COL20A1: variants seen among roughly 807,000 people sequenced by gnomAD.
COL20A1 encodes the protein collagen type XX alpha 1 chain.
A neutral mutation model predicts 152.9 loss-of-function variants in COL20A1; 164 were observed. That is an observed-to-expected ratio of 1.07 (90% CI 0.94 to 1.22). The LOEUF (loss-of-function observed/expected upper bound fraction) is 1.22. COL20A1 is among the 50% of genes most tolerant of loss of function. COL20A1 has a pLI of 0.00. For synonymous variants in COL20A1, 864 were observed against 756.0 expected, an observed-to-expected ratio of 1.14 and a Z score of -2.34; for missense variants, 1,873 against 1,744.8, an observed-to-expected ratio of 1.07 and a Z score of -1.31.
At chr20:63,327,490 G>A (rs2068269199) in intron 31 of COL20A1, 1 of 204,486 alleles carries the variant, frequency 4.9e-6, no homozygotes, top group Middle Eastern at 1.9e-3. Context: ...AGTGTCCCCT[G>A]GGGGATGCCT....
intron 21 of COL20A1, among the ~76,000 whole-genome samples, chr20:63,317,533 A>G (rs917302030): frequency 2.0e-5 from 3 of 151,830 alleles, no homozygotes; most frequent in Non-Finnish European, 2.9e-5. Flanking sequence ...TTTTAAAATT[A>G]TAGAAATATA....
chr20:63,318,620 G>C (rs1568782067), intron 21 of COL20A1, among the ~76,000 whole-genome samples: 1 of 152,126 alleles, frequency 6.6e-6, no homozygotes, highest in Non-Finnish European at 1.5e-5. Context: ...GGTGTCCTGG[G>C]CCGGCACCCC....
intron 25 of COL20A1, 86 bp downstream of exon 25, chr20:63,320,454 T>C (rs1394837829): frequency 7.8e-7 from 1 of 1,279,730 alleles, no homozygotes; most frequent in Non-Finnish European, 1.1e-6. Context: ...TCAGTTGGCC[T>C]GTCCAGATTG....
In COL20A1 at chr20:63,314,015, G is replaced by A. The variant is rs534890872; in HGVS notation, c.2359-57G>A. The A allele has an allele frequency of 4.8e-4, 771 of 1,609,958 alleles. 1 individual carries two copies. Among genetic ancestry groups the A allele is most frequent in the African/African-American group, 4.1e-3 (305 of 75,000 alleles). ...GGACGCAGAGGGAGGCAGCTGAGCCGCGTGGACGAGCAAAGTTGCCCAGGA... is the reference window on the plus strand; with the variant it reads ...GGACGCAGAGGGAGGCAGCTGAGCCACGTGGACGAGCAAAGTTGCCCAGGA... On this transcript the variant is annotated intron_variant, in intron 18 of 35. Coordinates refer to ENST00000358894, the MANE Select transcript of COL20A1 (RefSeq NM_020882.4).
At position 63,307,488 on chromosome 20, in the gene COL20A1, A is replaced by G. The variant is rs1328393994; in HGVS notation, c.497-2A>G. On this transcript the variant is annotated splice_acceptor_variant, in intron 5 of 35. Coordinates refer to ENST00000358894, the MANE Select transcript of COL20A1 (RefSeq NM_020882.4). LOFTEE classifies it high-confidence loss of function. ...GCACCTGACCCGCTCCCACCGCCCC[A>G]GCCGGCCCCCAGTTCCGCTGCCTGC... 2.5e-6 allele frequency: 4 copies of G among 1,610,292 alleles called. No individual in the cohort carries two copies. The highest frequency in any genetic ancestry group is 3.4e-6 in the Non-Finnish European group (4 of 1,178,954).
chr20:63,297,385 CCAGCCCAGGGGACT>C (rs1321906636), intron 2 of COL20A1, among the ~76,000 whole-genome samples: 10 of 151,228 alleles, frequency 6.6e-5, no homozygotes, highest in African/African-American at 1.2e-4. Context: ...CTCAGGGGAC[CCAGCCCAGGGGACT>C]CAGCCCAGGG....
intron 34 of COL20A1, among the ~76,000 whole-genome samples, chr20:63,328,868 C>T (rs1325196701): frequency 3.4e-5 from 5 of 145,376 alleles, no homozygotes; most frequent in Non-Finnish European, 7.6e-5. Context: ...CTCTTATCCT[C>T]CTGGCTGCTG....
intron 27 of COL20A1, among the ~76,000 whole-genome samples, chr20:63,323,429 C>G (rs570889185): frequency 1.9e-4 from 29 of 152,322 alleles, no homozygotes; most frequent in Non-Finnish European, 1.0e-4. Context: ...CTTTCTTATT[C>G]CGAGAGTAGA....
At chr20:63,307,029 G>A (rs534211431) in intron 5 of COL20A1, among the ~76,000 whole-genome samples, 7 of 152,328 alleles carry the variant, frequency 4.6e-5, no homozygotes, top group South Asian at 4.1e-4. Context: ...GCATCTCCCC[G>A]GGGGTCTGGC....
chr20:63,302,926 A>G (rs2067878177), intron 3 of COL20A1, among the ~76,000 whole-genome samples: 1 of 152,204 alleles, frequency 6.6e-6, no homozygotes, highest in Admixed American at 6.5e-5. Flanking sequence ...TATATTTGTT[A>G]ACAAGAATTC....
chr20:63,319,293 T>C lies in COL20A1; in HGVS notation c.2806+93T>C, dbSNP rs943890177. 4.4e-6 allele frequency: 6 copies of C among 1,378,980 alleles called. No homozygotes were observed. The highest frequency in any genetic ancestry group is 5.9e-6 in the Non-Finnish European group (6 of 1,012,660). 85.4% of individuals were successfully genotyped at this position (1,378,980 alleles called of 1,614,324 possible). On this transcript the variant is annotated intron_variant, in intron 22 of 35. Transcript: ENST00000358894. This position sits in a 1 kb window ranked among gnomAD's most constrained non-coding sequence, Gnocchi z 4.4. ...GGAGGCCTTCAGAGGAAGTCCAGCC[T>C]CCAGGCCAGGCCCTCAGCACCCTCT...
rs1036528739 is a variant in COL20A1, at chr20:63,318,128, G to C, written c.2664-930G>C. Among the ~76,000 whole-genome samples the C allele has an allele frequency of 8.5e-5, 13 of 152,182 alleles. 1 individual carries two copies. The highest frequency in any genetic ancestry group is 1.3e-4 in the Admixed American group (2 of 15,282). ...GCATGAGCAGGCACTTCCCATGCCTGTTTGCCCTTCCAGAGCTCACAGCCT... is the reference window on the plus strand; with the variant it reads ...GCATGAGCAGGCACTTCCCATGCCTCTTTGCCCTTCCAGAGCTCACAGCCT... On this transcript the variant is annotated intron_variant, in intron 21 of 35. Transcript: ENST00000358894.
chr20:63,310,255 C>A, intron 10 of COL20A1, 126 bp from the exon 11 acceptor site: 3 of 1,017,116 alleles, frequency 2.9e-6, no homozygotes, highest in Non-Finnish European at 4.4e-6. Flanking sequence ...GGAGCCCAGG[C>A]CTGTGGGAAG....
chr20:63,309,394 C>G lies in COL20A1; in HGVS notation c.1002C>G (p.Thr334=). The G allele has an allele frequency of 6.4e-7, 1 of 1,554,668 alleles. No individual in the cohort carries two copies. The highest frequency in any genetic ancestry group is 1.4e-5 in the African/African-American group (1 of 73,440). ...RLLASPPRDI[T]VHSVLDFLQL... ...TGGCGTCCCCGCCGAGGGACATCAC[C>G]GTCCACAGCGTGCTGGACTTCCTGC... The change falls in exon 9 of 36, where the codon ACC becomes ACG. Residue 334 remains threonine (T), a synonymous_variant. Coordinates refer to ENST00000358894, the MANE Select transcript of COL20A1 (RefSeq NM_020882.4).
At chr20:63,295,654 A>G (rs574027188) in intron 2 of COL20A1, among the ~76,000 whole-genome samples, 25 of 152,176 alleles carry the variant, frequency 1.6e-4, no homozygotes, top group African/African-American at 6.0e-4. Flanking sequence ...ACGTCCTCAG[A>G]AGGCCCCTCC....
chr20:63,314,544 T>C (rs1164816915), intron 19 of COL20A1, among the ~76,000 whole-genome samples: 1 of 152,140 alleles, frequency 6.6e-6, no homozygotes, highest in Non-Finnish European at 1.5e-5. Context: ...ACCTTCCAGC[T>C]TCCCTCTGGG....
At position 63,313,422 on chromosome 20, in the gene COL20A1, G is replaced by A. The variant is rs958440272; in HGVS notation, c.2209+173G>A. Among the ~76,000 whole-genome samples the A allele has an allele frequency of 5.9e-5, 9 of 152,198 alleles. No individual in the cohort carries two copies. The highest frequency in any genetic ancestry group is 8.8e-5 in the Non-Finnish European group (6 of 68,026). ...CTGCAGCACTTCCTTGAGCTCACAC[G>A]GGTATAGGTGTTCCCCCAGTGGCCG... On this transcript the variant is annotated intron_variant, in intron 17 of 35. Coordinates refer to ENST00000358894, the MANE Select transcript of COL20A1 (RefSeq NM_020882.4). This position sits in a 1 kb window ranked among gnomAD's most constrained non-coding sequence, Gnocchi z 5.9.
chr20:63,308,696 C>G lies in COL20A1; in HGVS notation c.930C>G (p.Val310=). Residue 310 remains valine, a synonymous_variant, in exon 8 of 36, where the codon GTC becomes GTG. Transcript: ENST00000358894. ...ARVLKDLGVN[V]FAVGVKNADE... ...TCCTCAAGGACCTGGGCGTGAACGTCTTCGCTGTGGGTGAGCACCATGCGG... is the reference window on the plus strand; with the variant it reads ...TCCTCAAGGACCTGGGCGTGAACGTGTTCGCTGTGGGTGAGCACCATGCGG... 1 of 1,603,220 alleles carries G rather than the reference C, an allele frequency of 6.2e-7. No individual in the cohort carries two copies.
chr20:63,308,037 A>G lies in COL20A1; in HGVS notation c.722A>G (p.Gln241Arg). The G allele has an allele frequency of 6.2e-7, 1 of 1,612,230 alleles. No homozygotes were observed. The highest frequency in any genetic ancestry group is 8.5e-7 in the Non-Finnish European group (1 of 1,179,504). ...CTGAACTCCCTCAGCACCAAGGAAC[A>G]GGTGCTGGCAGCTGTGCGCCGCCTC... is the stretch of plus-strand genomic sequence containing the variant. The part of the protein sequence containing the change: ...WDLNSLSTKE[Q>R]VLAAVRRLRY... Residue 241 changes from glutamine (Q) to arginine (R), a missense_variant, in exon 7 of 36, where the codon CAG becomes CGG. By Grantham distance (43) the Gln-to-Arg change is conservative. Transcript: ENST00000358894.
Sources: gnomAD v4.1 joint callset for allele counts (sites outside exome capture counted in the v4.1 genomes callset) on GRCh38, gnomAD v4.1.1 for gene constraint, Gnocchi (gnomAD v3.1) non-coding constraint, MANE v1.5 for transcripts, NCBI Gene and HGNC (gene_info 2026-07-23, HGNC 2026-07-21) for gene names.